Variants in ANXA4 observed in about 807,000 individuals in gnomAD.
ANXA4 encodes the protein annexin A4, also known as 35-beta calcimedin.
A neutral mutation model predicts 49.8 loss-of-function variants in ANXA4; 39 were observed. The observed-to-expected ratio is 0.78, with a 90% CI of 0.61 to 1.02. The LOEUF (loss-of-function observed/expected upper bound fraction) is 1.02, where lower values mean the gene tolerates loss of function less well. Ranked by LOEUF, ANXA4 falls within the 50% of genes least tolerant of loss-of-function variation. The pLI, the probability that ANXA4 is intolerant of heterozygous loss-of-function variation, is 0.00. For synonymous variants in ANXA4, 134 were observed against 152.5 expected (o/e 0.88, Z 0.89); for missense variants, 360 against 410.1 (o/e 0.88, Z 1.05).
At chr2:69,688,162 T>A (rs183234599) in intron 2 of ANXA4, among the ~76,000 whole-genome samples, 1 of 152,342 alleles carries the variant, frequency 6.6e-6, no homozygotes, top group Admixed American at 6.5e-5. Context: ...TATTTATTTG[T>A]TGAAGGTGCC....
At chr2:69,757,060 G>A (rs1671065778) in intron 1 of ANXA4, among the ~76,000 whole-genome samples, 1 of 149,168 alleles carries the variant, frequency 6.7e-6, no homozygotes, top group Non-Finnish European at 1.5e-5. Flanking sequence ...CCGACTAGCT[G>A]AGACTACAGG....
chr2:69,767,672 C>G (rs79850184), intron 1 of ANXA4, among the ~76,000 whole-genome samples: 1 of 152,320 alleles, frequency 6.6e-6, no homozygotes, highest in East Asian at 1.9e-4. Flanking sequence ...TTGTACTAAA[C>G]ATGTTTGACC....
At chr2:69,753,797 G>A (rs968149936) in intron 1 of ANXA4, among the ~76,000 whole-genome samples, 1 of 152,212 alleles carries the variant, frequency 6.6e-6, no homozygotes, top group South Asian at 2.1e-4. Flanking sequence ...TCTCCAAACA[G>A]AAAGAAGTTT....
intron 1 of ANXA4, among the ~76,000 whole-genome samples, chr2:69,759,193 A>T (rs1348652722): frequency 6.6e-6 from 1 of 151,990 alleles, no homozygotes; most frequent in South Asian, 2.1e-4. Context: ...AATAGTAGGG[A>T]CATTGAGTAA....
At chr2:69,768,926 A>G (rs542880322) in intron 1 of ANXA4, among the ~76,000 whole-genome samples, 57 of 152,286 alleles carry the variant, frequency 3.7e-4, no homozygotes, top group Middle Eastern at 3.4e-3. Context: ...AAAGTTAAAA[A>G]ACAAAAAACA....
intron 2 of ANXA4, among the ~76,000 whole-genome samples, chr2:69,786,550 C>T (rs1329206793): frequency 1.3e-5 from 2 of 152,188 alleles, no homozygotes; most frequent in Admixed American, 1.3e-4. Flanking sequence ...TGAAGGGCTG[C>T]CTTGCTCTGG....
At chr2:69,818,885 T>C (rs1213994230) in intron 10 of ANXA4, among the ~76,000 whole-genome samples, 191 bp downstream of exon 10, 1 of 152,264 alleles carries the variant, frequency 6.6e-6, no homozygotes, top group East Asian at 1.9e-4. Context: ...ATGTGGTTTA[T>C]ATATTTTATA....
intron 2 of ANXA4, among the ~76,000 whole-genome samples, chr2:69,688,350 G>T (rs111996602): frequency 0.017 from 2,648 of 152,298 alleles, 38 homozygotes; most frequent in Non-Finnish European, 0.024. Flanking sequence ...GTGGAATTTT[G>T]ATTTTGTTTT....
chr2:69,686,489 G>C (rs1677792236), intron 2 of ANXA4, among the ~76,000 whole-genome samples: 1 of 152,174 alleles, frequency 6.6e-6, no homozygotes, highest in Non-Finnish European at 1.5e-5. Context: ...GTCTTGCTCT[G>C]TTACCCAGGC....
chr2:69,698,069 A>T lies in ANXA4; in HGVS notation n.767-22705A>T, dbSNP rs568530069. ...CACAGATCTGGAGGCCGAGAAGTCC[A>T]GGATCAAGGCACTGGCAGATTCAGA... On this transcript the variant is annotated intron_variant and non_coding_transcript_variant, in intron 2 of 3. Coordinates refer to the ANXA4 transcript ENST00000418066. Among the ~76,000 whole-genome samples, 16 of 152,194 alleles carry T rather than the reference A, an allele frequency of 1.1e-4. No homozygotes were observed. The South Asian group carries it at 2.9e-3, about 28-fold the overall frequency.
At chr2:69,738,503 C>A (rs970485120), upstream of ANXA4, among the ~76,000 whole-genome samples, 2 of 152,072 alleles carry the variant, frequency 1.3e-5, no homozygotes, top group African/African-American at 4.8e-5. Flanking sequence ...GCTGCAAATT[C>A]TTTGCACCCT....
At chr2:69,690,531 GC>G (rs1553431642) in intron 2 of ANXA4, among the ~76,000 whole-genome samples, 1 of 152,038 alleles carries the variant, frequency 6.6e-6, no homozygotes, top group Non-Finnish European at 1.5e-5. Flanking sequence ...GAGCCACTGC[GC>G]CCGGCCCAGT....
At chr2:69,768,991 G>A (rs528444341) in intron 1 of ANXA4, among the ~76,000 whole-genome samples, 97 of 152,170 alleles carry the variant, frequency 6.4e-4, no homozygotes, top group African/African-American at 2.3e-3. Context: ...AAGGTCTCTA[G>A]TCCACAGGTG....
chr2:69,820,253 T>G lies in ANXA4; in HGVS notation c.784-446T>G, dbSNP rs1335843126. On this transcript the variant is annotated intron_variant, in intron 11 of 12. Transcript: ENST00000394295. ...AGGAAAGGGTTTTTTTTTTTTTCAATATTTGTTTTTTGAGGTGGAGAATCT... is the reference window on the plus strand; with the variant it reads ...AGGAAAGGGTTTTTTTTTTTTTCAAGATTTGTTTTTTGAGGTGGAGAATCT... Among the ~76,000 whole-genome samples, 3 of 148,856 alleles carry G rather than the reference T, an allele frequency of 2.0e-5. No homozygotes were observed. In the East Asian group the frequency reaches 6.0e-4, roughly 30 times the overall value.
intron 9 of ANXA4, chr2:69,817,115 A>G (rs1674028922): frequency 6.6e-6 from 1 of 152,252 alleles, no homozygotes; most frequent in African/African-American, 2.4e-5. Context: ...CTGGTTACAA[A>G]TAACAGGAAT....
intron 2 of ANXA4, among the ~76,000 whole-genome samples, chr2:69,702,188 G>A (rs1048439594): frequency 6.6e-6 from 1 of 151,330 alleles, no homozygotes; most frequent in Non-Finnish European, 1.5e-5. Context: ...ATTTTTTTGT[G>A]TTTTTAGTAG....
At chr2:69,793,938 A>G (rs1672808616) in intron 3 of ANXA4, among the ~76,000 whole-genome samples, 1 of 152,242 alleles carries the variant, frequency 6.6e-6, no homozygotes, top group Non-Finnish European at 1.5e-5. Context: ...CCTTTTAAAT[A>G]TACCCATTGA....
At chr2:69,800,380 A>G (rs572424408) in intron 3 of ANXA4, among the ~76,000 whole-genome samples, 8 of 152,228 alleles carry the variant, frequency 5.3e-5, no homozygotes, top group Non-Finnish European at 1.2e-4. Context: ...CATTTGGCAC[A>G]ACCAACCCCT....
chr2:69,734,297 A>G (rs924492225), intron 3 of ANXA4, among the ~76,000 whole-genome samples: 1 of 152,226 alleles, frequency 6.6e-6, no homozygotes, highest in African/African-American at 2.4e-5. Context: ...GAAATCGAAC[A>G]TAGCTGACTC....
Sources: gnomAD v4.1 joint callset for allele counts (sites outside exome capture counted in the v4.1 genomes callset) on GRCh38, gnomAD v4.1.1 for gene constraint, MANE v1.5 for transcripts, NCBI Gene and HGNC (gene_info 2026-07-23, HGNC 2026-07-21) for gene names.